Variants in ANKRD12 observed in about 807,000 individuals in gnomAD.
The protein encoded by ANKRD12 is ankyrin repeat domain-containing protein 12.
Under a neutral mutation model 183.4 loss-of-function variants are expected in ANKRD12, and 85 were observed. That is an observed-to-expected ratio of 0.46 (90% CI 0.39 to 0.56). ANKRD12 has a LOEUF of 0.56. Ranked by LOEUF, ANKRD12 falls within the 20% of genes least tolerant of loss-of-function variation. ANKRD12 has a pLI of 0.00. For missense variants in ANKRD12, 2,405 were observed against 2,357.1 expected, an observed-to-expected ratio of 1.02 and a Z score of -0.42; for synonymous variants, 914 against 800.2, an observed-to-expected ratio of 1.14 and a Z score of -2.40.
intron 10 of ANKRD12, among the ~76,000 whole-genome samples, chr18:9,267,914 A>G (rs1047930297): frequency 2.0e-5 from 3 of 152,190 alleles, no homozygotes; most frequent in Non-Finnish European, 4.4e-5. Flanking sequence ...AATCAAGTAG[A>G]CGCAATAAAA....
In ANKRD12 at chr18:9,228,747, TTC is replaced by T. The variant is rs545780803; in HGVS notation, c.943+6753_943+6754del. ...GTCAGATGAGTAATTTGCAAATATT[TTC>T]TCTCATTCGAGGGTTGTCTCTTTAC... On this transcript the variant is annotated intron_variant, in intron 8 of 12. Coordinates refer to ENST00000262126, the MANE Select transcript of ANKRD12 (RefSeq NM_015208.5). 6.3e-3 allele frequency among the ~76,000 whole-genome samples: 963 copies of T among 152,306 alleles called. 7 individuals carry two copies. The highest frequency in any genetic ancestry group is 0.017 in the Middle Eastern group (5 of 294).
chr18:9,234,256 G>C (rs2037217826), intron 8 of ANKRD12, among the ~76,000 whole-genome samples: 1 of 152,176 alleles, frequency 6.6e-6, no homozygotes, highest in African/African-American at 2.4e-5. Context: ...AGCAACAGCT[G>C]TGCCTGCAAT....
intron 6 of ANKRD12, 120 bp from the exon 7 acceptor site, chr18:9,216,638 C>CT (rs1022513627): frequency 1.3e-3 from 1,183 of 945,776 alleles, no homozygotes; most frequent in East Asian, 3.9e-3. Flanking sequence ...TTCATCACTC[C>CT]TTTTTTTTTG....
intron 1 of ANKRD12, among the ~76,000 whole-genome samples, chr18:9,143,813 G>A (rs114966910): frequency 0.01 from 1,576 of 151,284 alleles, 21 homozygotes; most frequent in African/African-American, 0.036. Flanking sequence ...CACCACCACC[G>A]CCCTCTTTAG....
chr18:9,181,425 C>T (rs1015940013), intron 1 of ANKRD12, among the ~76,000 whole-genome samples: 1 of 152,096 alleles, frequency 6.6e-6, no homozygotes, highest in Non-Finnish European at 1.5e-5. Context: ...CTATGATATC[C>T]ATCTGTAGGA....
chr18:9,187,730 G>A (rs147523467), intron 2 of ANKRD12, among the ~76,000 whole-genome samples: 6 of 152,094 alleles, frequency 3.9e-5, no homozygotes, highest in Non-Finnish European at 8.8e-5. Context: ...TACTCTTTTA[G>A]CTATAAATCA....
rs111595622 is a variant in ANKRD12, at chr18:9,280,047, A to T, written c.6003+403A>T. 9.6e-3 allele frequency among the ~76,000 whole-genome samples: 1,456 copies of T among 152,292 alleles called. 24 individuals are homozygous for T. Among genetic ancestry groups the T allele is most frequent in the African/African-American group, 0.033 (1,376 of 41,552 alleles). The stretch of plus-strand genomic sequence containing the variant: ...TTTTCATGTTTCTTTTGATAATTTG[A>T]AATCTCATAATTTGAAATAATATTT... On this transcript the variant is annotated intron_variant, in intron 12 of 12. Coordinates refer to ENST00000262126, the MANE Select transcript of ANKRD12 (RefSeq NM_015208.5).
chr18:9,162,242 A>G (rs527391577), intron 1 of ANKRD12, among the ~76,000 whole-genome samples: 2 of 142,268 alleles, frequency 1.4e-5, no homozygotes, highest in South Asian at 2.3e-4. Flanking sequence ...CCCCACCCCA[A>G]TATGTCCATG....
intron 10 of ANKRD12, among the ~76,000 whole-genome samples, chr18:9,271,639 T>A (rs2039609937): frequency 6.6e-6 from 1 of 152,224 alleles, no homozygotes; most frequent in Non-Finnish European, 1.5e-5. Context: ...ATTATAGGTA[T>A]GAGCCATTGT....
intron 2 of ANKRD12, among the ~76,000 whole-genome samples, chr18:9,192,442 T>C (rs1303470719): frequency 2.6e-5 from 4 of 152,228 alleles, no homozygotes; most frequent in Non-Finnish European, 5.9e-5. Context: ...CTTGATAGTC[T>C]GTTTAGGACT....
At chr18:9,166,530 T>C (rs1158497316) in intron 1 of ANKRD12, among the ~76,000 whole-genome samples, 1 of 152,354 alleles carries the variant, frequency 6.6e-6, no homozygotes, top group East Asian at 1.9e-4. Context: ...TTTTGAGAAG[T>C]GTCTGTTCAT....
At chr18:9,247,333 C>T (rs2038020869) in intron 8 of ANKRD12, among the ~76,000 whole-genome samples, 1 of 149,152 alleles carries the variant, frequency 6.7e-6, no homozygotes, top group South Asian at 2.1e-4. Flanking sequence ...AAAAAAATGG[C>T]CTGGATGTGG....
Position 9,256,290 on chromosome 18 carries a change from C to T in ANKRD12, c.3023C>T (p.Pro1008Leu). Residue 1008 changes from proline (P) to leucine (L), a missense_variant, in exon 9 of 13, where the codon CCT becomes CTT. Physicochemically the swap from Pro to Leu is moderately conservative, Grantham distance 98. Transcript: ENST00000262126. ...CTTAAAGAAAAAACAAAAGATGAACCTTTGAAAACTCCAGATGGAAAAGAA... is the reference window on the plus strand; with the variant it reads ...CTTAAAGAAAAAACAAAAGATGAACTTTTGAAAACTCCAGATGGAAAAGAA... ...LSLKEKTKDE[P>L]LKTPDGKEKD... The T allele has an allele frequency of 6.2e-7, 1 of 1,604,146 alleles. No individual in the cohort carries two copies. The highest frequency in any genetic ancestry group is 8.5e-7 in the Non-Finnish European group (1 of 1,176,842).
intron 3 of ANKRD12, among the ~76,000 whole-genome samples, chr18:9,196,892 A>T (rs1238624433): frequency 6.6e-6 from 1 of 151,826 alleles, no homozygotes; most frequent in Non-Finnish European, 1.5e-5. Context: ...CAAGCTAATT[A>T]CTGGATCGCT....
rs373195252 is a variant in ANKRD12, at chr18:9,186,973, GAATGGTCTCA to G, written c.87+4456_87+4465del. Among the ~76,000 whole-genome samples, 115 of 151,946 alleles carry G rather than the reference GAATGGTCTCA, an allele frequency of 7.6e-4. No individual in the cohort carries two copies. The Middle Eastern group carries it at 0.014, about 18-fold the overall frequency. On this transcript the variant is annotated intron_variant, in intron 2 of 12. Transcript: ENST00000262126. ...TCACCGTGTTAGCCAGGATGGTCTCGAATGGTCTCAATCTCCTGACCTCGTGATCCGCCCA... is the reference window on the plus strand; with the variant it reads ...TCACCGTGTTAGCCAGGATGGTCTCGATCTCCTGACCTCGTGATCCGCCCA...
At chr18:9,259,638 G>A (rs1567986816) in intron 9 of ANKRD12, 1 of 152,132 alleles carries the variant, frequency 6.6e-6, no homozygotes, top group African/African-American at 2.4e-5. Flanking sequence ...AAGCATAGGT[G>A]AGAAATATTC....
intron 9 of ANKRD12, among the ~76,000 whole-genome samples, chr18:9,263,349 A>G (rs1264743444): frequency 6.6e-6 from 1 of 152,232 alleles, no homozygotes; most frequent in African/African-American, 2.4e-5. Flanking sequence ...ATTAAATGTA[A>G]CACTCAGGAC....
chr18:9,254,809 G>C lies in ANKRD12; in HGVS notation c.1542G>C (p.Lys514Asn). ...TVNTGLDCSE[K>N]TREEGNFRKS... Reference sequence around the variant, plus strand: ...ATACTGGACTAGATTGTTCAGAAAAGACCAGAGAGGAGGGGAACTTTAGGA... The same window carrying C: ...ATACTGGACTAGATTGTTCAGAAAACACCAGAGAGGAGGGGAACTTTAGGA... Residue 514 changes from lysine (K) to asparagine (N), a missense_variant, in exon 9 of 13, where the codon AAG (lysine) becomes AAC (asparagine). This residue lies in a region of ANKRD12 where 1,983 missense variants were observed against 1,725.9 expected (regional missense o/e 1.15). Transcript: ENST00000262126. 2.0e-6 allele frequency: 3 copies of C among 1,484,136 alleles called. No individual in the cohort carries two copies. Among genetic ancestry groups the C allele is most frequent in the Non-Finnish European group, 2.7e-6 (3 of 1,119,932 alleles). 91.9% of individuals were successfully genotyped at this position (1,484,136 alleles called of 1,614,324 possible). A position where few individuals can be genotyped will look rare whatever the true frequency, so the allele number is the denominator to read the frequency against.
Position 9,254,422 on chromosome 18 carries a change from A to G in ANKRD12, c.1155A>G (p.Gln385=). ...ATAGGCATATTCTTAGGAAAGAACAACGAAAAGAAAATGAACCTGAAGCAG... is the reference window on the plus strand; with the variant it reads ...ATAGGCATATTCTTAGGAAAGAACAGCGAAAAGAAAATGAACCTGAAGCAG... ...IDDRHILRKE[Q]RKENEPEAEK... The change falls in exon 9 of 13, where the codon CAA becomes CAG. Residue 385 remains glutamine (Q), a synonymous_variant. Coordinates refer to ENST00000262126, the MANE Select transcript of ANKRD12 (RefSeq NM_015208.5). The G allele has an allele frequency of 6.3e-7, 1 of 1,587,826 alleles. No homozygotes were observed.
Sources: allele counts gnomAD v4.1 joint callset (sites outside exome capture counted in the v4.1 genomes callset), GRCh38; gene constraint gnomAD v4.1.1; regional missense constraint gnomAD v4.1.1; transcripts MANE v1.5; gene names NCBI Gene and HGNC (gene_info 2026-07-23, HGNC 2026-07-21).